The following FAM117A variants were observed in gnomAD, a reference collection of about 807,000 sequenced individuals.
FAM117A encodes the protein family with sequence similarity 117 member A.
A neutral mutation model predicts 44.1 loss-of-function variants in FAM117A; 21 were observed. The observed-to-expected ratio is 0.48, with a 90% CI of 0.34 to 0.69. FAM117A has a LOEUF of 0.69. Ranked by LOEUF, FAM117A falls within the 30% of genes least tolerant of loss-of-function variation. The pLI is 0.01. For synonymous variants in FAM117A, 220 were observed against 238.3 expected (o/e 0.92, Z 0.71); for missense variants, 498 against 589.9 (o/e 0.84, Z 1.61).
intron 1 of FAM117A, 115 bp downstream of exon 1, chr17:49,763,777 T>G (rs2073732990): frequency 1.2e-5 from 4 of 335,144 alleles, no homozygotes; most frequent in East Asian, 9.7e-5. Context: ...CCCCTTTCTC[T>G]TCCCTCGCCC....
At chr17:49,788,977 C>T (rs761243570), upstream of FAM117A, 18 of 872,560 alleles carry the variant, frequency 2.1e-5, no homozygotes, top group Non-Finnish European at 3.1e-5. Context: ...TTCAGCTACC[C>T]TCTCTTCTGT....
chr17:49,717,852 C>T (rs765048348), intron 5 of FAM117A, 138 bp from the exon 6 acceptor site: 68 of 662,236 alleles, frequency 1.0e-4, no homozygotes, highest in Admixed American at 1.4e-4. Flanking sequence ...TTTCCTCCAG[C>T]GATTTATTTC....
At chr17:49,781,244 A>G (rs1244489945) in intron 1 of FAM117A, among the ~76,000 whole-genome samples, 1 of 152,236 alleles carries the variant, frequency 6.6e-6, no homozygotes, top group African/African-American at 2.4e-5. Flanking sequence ...GGTTTCCCAG[A>G]AGAGGAAACA....
chr17:49,717,448 A>C, intron 6 of FAM117A, 65 bp downstream of exon 6: 3 of 1,450,050 alleles, frequency 2.1e-6, no homozygotes, highest in Non-Finnish European at 2.9e-6. Flanking sequence ...CTAGAGGTGG[A>C]AAAGGGAGTG....
chr17:49,721,531 C>T (rs771101243), intron 3 of FAM117A, among the ~76,000 whole-genome samples: 2 of 152,166 alleles, frequency 1.3e-5, no homozygotes, highest in Non-Finnish European at 2.9e-5. Flanking sequence ...AAGCTCTCAA[C>T]GTATTCACTT....
intron 1 of FAM117A, among the ~76,000 whole-genome samples, chr17:49,785,673 T>C (rs768602650): frequency 1.3e-5 from 2 of 152,168 alleles, no homozygotes; most frequent in African/African-American, 2.4e-5. Context: ...CTATTATCTG[T>C]TTGGGAAGGG....
At chr17:49,771,406 T>C (rs2073760601) in intron 1 of FAM117A, among the ~76,000 whole-genome samples, 2 of 152,108 alleles carry the variant, frequency 1.3e-5, no homozygotes, top group Non-Finnish European at 2.9e-5. Context: ...CCTGCCCTTA[T>C]GATATCCCTA....
intron 5 of FAM117A, 26 bp downstream of exon 5, chr17:49,719,734 G>C (rs780891419): frequency 6.5e-7 from 1 of 1,535,424 alleles, no homozygotes; most frequent in Admixed American, 2.2e-5. Context: ...GACTGTGGGT[G>C]CACTCAGGGT....
At chr17:49,765,095 C>T (rs769988120), upstream of FAM117A, among the ~76,000 whole-genome samples, 6 of 152,004 alleles carry the variant, frequency 3.9e-5, no homozygotes, top group Non-Finnish European at 5.9e-5. Context: ...TTGTGAAAAG[C>T]ACATGATATA....
intron 1 of FAM117A, among the ~76,000 whole-genome samples, chr17:49,777,228 C>G (rs2073777774): frequency 6.6e-6 from 1 of 152,104 alleles, no homozygotes; most frequent in Non-Finnish European, 1.5e-5. Context: ...ATAGGGTCCT[C>G]CAGACAGTAT....
At chr17:49,724,232 G>A (rs953092716) in intron 2 of FAM117A, among the ~76,000 whole-genome samples, 2 of 152,064 alleles carry the variant, frequency 1.3e-5, no homozygotes, top group African/African-American at 4.8e-5. Flanking sequence ...AAGGCTCCAG[G>A]ACCAACTCTA....
intron 1 of FAM117A, among the ~76,000 whole-genome samples, chr17:49,735,710 C>CT (rs2073607758): frequency 6.6e-6 from 1 of 152,134 alleles, no homozygotes; most frequent in Non-Finnish European, 1.5e-5. Context: ...AGTGATCTTC[C>CT]TGCCTTGGCC....
intron 1 of FAM117A, among the ~76,000 whole-genome samples, chr17:49,778,643 C>G (rs1327615498): frequency 1.3e-5 from 2 of 152,182 alleles, no homozygotes; most frequent in East Asian, 1.9e-4. Flanking sequence ...AAGAGTAACA[C>G]TATGTTTTCT....
chr17:49,738,821 T>G (rs2073621303), intron 1 of FAM117A, among the ~76,000 whole-genome samples: 1 of 152,178 alleles, frequency 6.6e-6, no homozygotes, highest in Non-Finnish European at 1.5e-5. Flanking sequence ...AAATTAGATT[T>G]TAATAGTTTA....
intron 2 of FAM117A, chr17:49,724,672 AAAAT>A (rs2073551312): frequency 2.8e-5 from 10 of 352,270 alleles, no homozygotes; most frequent in South Asian, 2.2e-4. Flanking sequence ...GTCTCTACTA[AAAAT>A]AGAAAAATTA....
intron 1 of FAM117A, among the ~76,000 whole-genome samples, chr17:49,744,587 T>C (rs2073647172): frequency 6.6e-6 from 1 of 152,030 alleles, no homozygotes; most frequent in South Asian, 2.1e-4. Flanking sequence ...CCCAAAGTGC[T>C]GGGATTATAG....
In FAM117A at chr17:49,714,727, AC is replaced by A. The variant is rs551565854; in HGVS notation, c.1061+1437del. ...GGTGGCGTGATCTCGGCTCACTGCAACCTCTGCCTCCCAGGTTCAAGCGATT... is the reference window on the plus strand; with the variant it reads ...GGTGGCGTGATCTCGGCTCACTGCAACTCTGCCTCCCAGGTTCAAGCGATT... On this transcript the variant is annotated intron_variant, in intron 7 of 7. Transcript: ENST00000240364. Among the ~76,000 whole-genome samples the A allele has an allele frequency of 6.0e-5, 9 of 150,248 alleles. No homozygotes were observed. The South Asian group carries it at 1.7e-3, about 28-fold the overall frequency.
intron 1 of FAM117A, among the ~76,000 whole-genome samples, chr17:49,761,847 C>T (rs2073723566): frequency 6.6e-6 from 1 of 152,206 alleles, no homozygotes; most frequent in African/African-American, 2.4e-5. Flanking sequence ...ATTTTTTCCC[C>T]TCTCCTGCCA....
chr17:49,733,996 A>G lies in FAM117A; in HGVS notation c.197-1276T>C, dbSNP rs561702825. ...TCTCTACTAAAAATACAAAAAAATT[A>G]GCCAGGCGTGGTGGCAGGCGCCTGT... On this transcript the variant is annotated intron_variant, in intron 1 of 7. Transcript: ENST00000240364. 9.9e-5 allele frequency among the ~76,000 whole-genome samples: 15 copies of G among 151,858 alleles called. No individual in the cohort carries two copies. The East Asian group carries it at 2.9e-3, about 30-fold the overall frequency.
Sources: gnomAD v4.1 joint callset for allele counts (sites outside exome capture counted in the v4.1 genomes callset) on GRCh38, gnomAD v4.1.1 for gene constraint, MANE v1.5 for transcripts, NCBI Gene and HGNC (gene_info 2026-07-23, HGNC 2026-07-21) for gene names.